Variants in ERCC6L2 observed in about 807,000 individuals in gnomAD.
The protein encoded by ERCC6L2 is DNA excision repair protein ERCC-6-like 2.
ERCC6L2 carries 77 observed loss-of-function variants against 132.0 expected under a neutral mutation model. The ratio of observed to expected loss-of-function variants is 0.58; its 90% CI spans 0.49 to 0.71. ERCC6L2 has a LOEUF of 0.71. Ranked by LOEUF, ERCC6L2 falls within the 30% of genes least tolerant of loss-of-function variation. ERCC6L2 has a pLI of 0.00. For synonymous variants in ERCC6L2, 583 were observed against 632.4 expected, an observed-to-expected ratio of 0.92 and a Z score of 1.17; for missense variants, 1,542 against 1,837.6, an observed-to-expected ratio of 0.84 and a Z score of 2.94.
At chr9:95,969,095 G>A (rs1450853713) in intron 14 of ERCC6L2, among the ~76,000 whole-genome samples, 5 of 152,104 alleles carry the variant, frequency 3.3e-5, no homozygotes, top group African/African-American at 9.7e-5. Context: ...GGTCCTGAGG[G>A]AGGAACATGC....
intron 17 of ERCC6L2, among the ~76,000 whole-genome samples, chr9:95,989,131 C>T (rs942745989): frequency 1.3e-5 from 2 of 152,154 alleles, no homozygotes; most frequent in Non-Finnish European, 1.5e-5. Flanking sequence ...TATCCAGATG[C>T]TCTCAGAATC....
chr9:95,964,114 G>C (rs56403401), intron 13 of ERCC6L2, among the ~76,000 whole-genome samples: 4,617 of 152,154 alleles, frequency 0.03, 95 homozygotes, highest in East Asian at 0.13. Flanking sequence ...CCACTATAAT[G>C]GTTGTCAGGT....
chr9:95,955,797 G>A (rs908094576), intron 12 of ERCC6L2, 117 bp from the exon 13 acceptor site: 7 of 518,452 alleles, frequency 1.4e-5, no homozygotes, highest in African/African-American at 1.2e-4. Flanking sequence ...AACATAAAAT[G>A]TTTATTTTTA....
At chr9:95,937,770 T>C (rs1308568216) in intron 11 of ERCC6L2, among the ~76,000 whole-genome samples, 1 of 151,920 alleles carries the variant, frequency 6.6e-6, no homozygotes, top group Non-Finnish European at 1.5e-5. Context: ...CAGCTTTTTT[T>C]CACTGATTTT....
At chr9:95,982,843 C>A (rs1452131870) in intron 17 of ERCC6L2, among the ~76,000 whole-genome samples, 2 of 151,980 alleles carry the variant, frequency 1.3e-5, no homozygotes, top group African/African-American at 2.4e-5. Context: ...GTAGAAAATA[C>A]CTGCTACTTA....
At chr9:95,902,705 C>T (rs1034272424) in intron 3 of ERCC6L2, among the ~76,000 whole-genome samples, 5 of 152,104 alleles carry the variant, frequency 3.3e-5, no homozygotes, top group Non-Finnish European at 4.4e-5. Flanking sequence ...TTTTCGTTTG[C>T]ACTAGGTATT....
At chr9:95,937,634 T>G (rs1017587920) in intron 11 of ERCC6L2, among the ~76,000 whole-genome samples, 1 of 152,044 alleles carries the variant, frequency 6.6e-6, no homozygotes, top group African/African-American at 2.4e-5. Flanking sequence ...ACCATAAAAT[T>G]TTTTATAGTA....
intron 18 of ERCC6L2, among the ~76,000 whole-genome samples, chr9:96,008,817 G>C (rs1305930118): frequency 6.6e-6 from 1 of 152,234 alleles, no homozygotes; most frequent in Non-Finnish European, 1.5e-5. Flanking sequence ...ATGCTGGGTT[G>C]AGTTTGACAG....
intron 4 of ERCC6L2, among the ~76,000 whole-genome samples, chr9:95,911,872 A>G (rs866796321): frequency 6.6e-6 from 1 of 151,934 alleles, no homozygotes; most frequent in Non-Finnish European, 1.5e-5. Flanking sequence ...CTTTACCTCA[A>G]CTCTTACTGA....
chr9:95,893,418 T>C (rs1292639165), intron 2 of ERCC6L2, among the ~76,000 whole-genome samples: 1 of 152,220 alleles, frequency 6.6e-6, no homozygotes, highest in African/African-American at 2.4e-5. Flanking sequence ...ATTTCCTGTA[T>C]TATAATGTTC....
At chr9:95,980,236 C>T (rs758492570) in intron 17 of ERCC6L2, among the ~76,000 whole-genome samples, 1 of 152,168 alleles carries the variant, frequency 6.6e-6, no homozygotes, top group African/African-American at 2.4e-5. Context: ...GAGGGAGGGG[C>T]ATCTCTTGCT....
chr9:96,028,913 T>C (rs1247582896), intron 19 of ERCC6L2, among the ~76,000 whole-genome samples: 1 of 152,162 alleles, frequency 6.6e-6, no homozygotes, highest in Non-Finnish European at 1.5e-5. Flanking sequence ...ATAATGTGGG[T>C]GAATTTCCAA....
rs77133044 is a variant in ERCC6L2, at chr9:96,039,425, G to A, written c.*1755+298G>A. Reference sequence around the variant, plus strand: ...GCTGAGGCGTAGAGAAGAGAGTGGAGTTTCCTGTTTGAGAGAACGTTTCTG... The same window carrying A: ...GCTGAGGCGTAGAGAAGAGAGTGGAATTTCCTGTTTGAGAGAACGTTTCTG... On this transcript the variant is annotated intron_variant and NMD_transcript_variant, in intron 20 of 20. Transcript: ENST00000670016. Among the ~76,000 whole-genome samples, 591 of 152,260 alleles carry A rather than the reference G, an allele frequency of 3.9e-3. 1 individual carries two copies. Among genetic ancestry groups the A allele is most frequent in the Middle Eastern group, 0.024 (7 of 294 alleles).
chr9:95,881,647 G>C (rs1827602302), intron 2 of ERCC6L2, among the ~76,000 whole-genome samples: 1 of 152,166 alleles, frequency 6.6e-6, no homozygotes, highest in South Asian at 2.1e-4. Flanking sequence ...ATGCCACATA[G>C]CATGGTTAAA....
intron 2 of ERCC6L2, among the ~76,000 whole-genome samples, chr9:95,887,905 T>C (rs1747465280): frequency 1.3e-5 from 2 of 152,132 alleles, no homozygotes. Flanking sequence ...GTGTGGAAGG[T>C]TAATTAGCCC....
intron 19 of ERCC6L2, among the ~76,000 whole-genome samples, chr9:96,030,004 T>C (rs1344351097): frequency 1.3e-5 from 2 of 152,126 alleles, no homozygotes; most frequent in Non-Finnish European, 2.9e-5. Flanking sequence ...TCTGCCCCAA[T>C]CCCAGTGAGA....
chr9:95,875,874 G>A lies in ERCC6L2; in HGVS notation c.-165G>A, dbSNP rs1827222997. The A allele has an allele frequency of 4.4e-6, 3 of 675,422 alleles. No homozygotes were observed. Among genetic ancestry groups the A allele is most frequent in the Non-Finnish European group, 7.6e-6 (3 of 397,006 alleles). 41.8% of individuals were successfully genotyped at this position (675,422 alleles called of 1,614,324 possible). On this transcript the variant is annotated 5_prime_UTR_variant, in exon 1 of 19. Transcript: ENST00000653738. ...TCCCCTTAGTCGCTACCTTTGCTGGGATCCCCCTCCTCCATCCTGTGGCTT... is the reference window on the plus strand; with the variant it reads ...TCCCCTTAGTCGCTACCTTTGCTGGAATCCCCCTCCTCCATCCTGTGGCTT...
intron 12 of ERCC6L2, among the ~76,000 whole-genome samples, chr9:95,944,023 A>G (rs1445354535): frequency 6.6e-6 from 1 of 152,230 alleles, no homozygotes; most frequent in African/African-American, 2.4e-5. Context: ...CACTTTGGGT[A>G]TATACCAAAA....
rs1018726740 is a variant in ERCC6L2, at chr9:96,013,090, A to G, written c.4540A>G (p.Arg1514Gly). 2.2e-6 allele frequency: 3 copies of G among 1,367,680 alleles called. No homozygotes were observed. The highest frequency in any genetic ancestry group is 2.9e-6 in the Non-Finnish European group (3 of 1,021,854). 84.7% of individuals were successfully genotyped at this position (1,367,680 alleles called of 1,614,324 possible). A position where few individuals can be genotyped will look rare whatever the true frequency, so the allele number is the denominator to read the frequency against. The change falls in exon 19 of 19, where the codon AGG becomes GGG. Residue 1514 changes from arginine to glycine, a missense_variant. By Grantham distance (125) the Arg-to-Gly change is moderately radical. This residue lies in a region of ERCC6L2 where 442 missense variants were observed against 583.4 expected (regional missense o/e 0.76). Transcript: ENST00000653738. The part of the protein sequence containing the change: ...EKAPLAAPFK[R>G]REEPATSLWK... ...AGCACCTCTAGCAGCACCCTTTAAA[A>G]GGAGAGAAGAGCCAGCAACTTCTCT... is the stretch of plus-strand genomic sequence containing the variant.
Sources: gnomAD v4.1 joint callset for allele counts (sites outside exome capture counted in the v4.1 genomes callset) on GRCh38, gnomAD v4.1.1 for gene constraint, gnomAD v4.1.1 regional missense constraint, MANE v1.5 for transcripts, NCBI Gene and HGNC (gene_info 2026-07-23, HGNC 2026-07-21) for gene names.